RC3H2: variants seen among roughly 807,000 people sequenced by gnomAD.
RC3H2 encodes the protein ring finger and CCCH-type domains 2, also known as roquin-2.
RC3H2 carries 31 observed loss-of-function variants against 133.3 expected under a neutral mutation model. The ratio of observed to expected loss-of-function variants is 0.23; its 90% CI spans 0.17 to 0.31. RC3H2 has a LOEUF of 0.31. Among genes scored for constraint, RC3H2 ranks in the 10% least tolerant of loss-of-function variants. The pLI, the probability that RC3H2 is intolerant of heterozygous loss-of-function variation, is 1.00. For synonymous variants in RC3H2, 517 were observed against 502.2 expected (o/e 1.03, Z -0.40); for missense variants, 1,175 against 1,437.2 (o/e 0.82, Z 2.95).
At chr9:122,886,945 A>G (rs1334974868) in intron 4 of RC3H2, among the ~76,000 whole-genome samples, 1 of 152,240 alleles carries the variant, frequency 6.6e-6, no homozygotes, top group Non-Finnish European at 1.5e-5. Context: ...ACATCAGGAA[A>G]TATCTAAAGG....
intron 15 of RC3H2, 24 bp downstream of exon 15, chr9:122,855,160 C>G: frequency 6.9e-7 from 1 of 1,455,686 alleles, no homozygotes; most frequent in Non-Finnish European, 9.6e-7. Context: ...ACATATCAGG[C>G]TAGGTATTAT....
At chr9:122,881,232 A>C (rs1177418802) in intron 5 of RC3H2, among the ~76,000 whole-genome samples, 1 of 152,142 alleles carries the variant, frequency 6.6e-6, no homozygotes, top group Non-Finnish European at 1.5e-5. Context: ...CATGCCTGTA[A>C]TCCCAGCACT....
At position 122,855,251 on chromosome 9, in the gene RC3H2, G is replaced by A. The variant is rs762089426; in HGVS notation, c.2748C>T (p.Tyr916=). 1.2e-6 allele frequency: 2 copies of A among 1,614,168 alleles called. No homozygotes were observed. Among genetic ancestry groups the A allele is most frequent in the South Asian group, 1.1e-5 (1 of 91,086 alleles). The change falls in exon 15 of 21, where the codon TAC becomes TAT. Residue 916 remains tyrosine, a synonymous_variant. Transcript: ENST00000357244. ...TGGCCTGGACAGGATCTGTGGTATGGTAACCTGTACGGGAAGATCTGGAAA... is the reference window on the plus strand; with the variant it reads ...TGGCCTGGACAGGATCTGTGGTATGATAACCTGTACGGGAAGATCTGGAAA... ...GAISRSSRTG[Y]HTTDPVQATA... is the part of the protein sequence containing the mutation.
intron 1 of RC3H2, among the ~76,000 whole-genome samples, chr9:122,902,866 AG>A (rs1374043367): frequency 2.0e-5 from 3 of 150,664 alleles, no homozygotes; most frequent in African/African-American, 7.3e-5. Flanking sequence ...AAAAAAAAAA[AG>A]TTAAAATAGC....
intron 18 of RC3H2, among the ~76,000 whole-genome samples, chr9:122,852,404 G>C (rs1830072602): frequency 6.6e-6 from 1 of 150,552 alleles, no homozygotes. Flanking sequence ...CGGGAGGGAG[G>C]TGGGGGGGTC....
Position 122,860,088 on chromosome 9 carries a change from C to G in RC3H2, c.1678G>C (p.Ala560Pro), listed in dbSNP as rs1157193841. The change falls in exon 11 of 21, where the codon GCT becomes CCT. Residue 560 changes from alanine to proline, a missense_variant. This residue lies in a region of RC3H2 where 490 missense variants were observed against 492.8 expected (regional missense o/e 0.99). Coordinates refer to ENST00000357244, the MANE Select transcript of RC3H2 (RefSeq NM_001100588.3). ...PPKTPVSNVA[A>P]TSAGPSNVGT... ...ACATTAGAGGGCCCAGCTGAGGTAG[C>G]TGCTACATTACTTACAGGAGTCTTG... 1 of 1,614,066 alleles carries G rather than the reference C, an allele frequency of 6.2e-7. No homozygotes were observed. Among genetic ancestry groups the G allele is most frequent in the East Asian group, 2.2e-5 (1 of 44,868 alleles).
rs911364421 is a variant in RC3H2, at chr9:122,905,328, C to T, written c.-286G>A. ...TCCACCTCCGCCTCCTCCTCCTCCT[C>T]CTCCTCACCACGGAGGCGGACCTGG... is the stretch of plus-strand genomic sequence containing the variant. On this transcript the variant is annotated 5_prime_UTR_variant, in exon 1 of 21. Coordinates refer to ENST00000357244, the MANE Select transcript of RC3H2 (RefSeq NM_001100588.3). 11 of 980,534 alleles carry T rather than the reference C, an allele frequency of 1.1e-5. No homozygotes were observed. Among genetic ancestry groups the T allele is most frequent in the Admixed American group, 6.1e-5 (1 of 16,276 alleles). 60.7% of individuals were successfully genotyped at this position (980,534 alleles called of 1,614,324 possible). A position where few individuals can be genotyped will look rare whatever the true frequency, so the allele number is the denominator to read the frequency against.
In RC3H2 at chr9:122,890,355, T is replaced by C. The variant is rs780393048; in HGVS notation, c.540A>G (p.Leu180=). 27 of 1,613,994 alleles carry C rather than the reference T, an allele frequency of 1.7e-5. No individual in the cohort carries two copies. The highest frequency in any genetic ancestry group is 4.5e-5 in the East Asian group (2 of 44,884). Residue 180 remains leucine (L), a synonymous_variant, in exon 4 of 21, where the codon CTA becomes CTG. Transcript: ENST00000357244. ...HQNPQQLSAN[L]WAAVRARGCQ... ...ATCCTCGAGCCCTGACAGCGGCCCA[T>C]AGATTGGCAGACAACTGCTGAGGGT...
chr9:122,888,355 A>G (rs1405587711), intron 4 of RC3H2, among the ~76,000 whole-genome samples: 2 of 152,306 alleles, frequency 1.3e-5, no homozygotes, highest in East Asian at 3.9e-4. Context: ...AAATATTTAA[A>G]GTTGTTTTAT....
intron 1 of RC3H2, 77 bp from the exon 2 acceptor site, chr9:122,897,653 T>C: frequency 1.0e-6 from 1 of 1,003,652 alleles, no homozygotes; most frequent in Non-Finnish European, 1.4e-6. Context: ...AAGTCAACTA[T>C]TACAGCTTCA....
intron 3 of RC3H2, 87 bp from the exon 4 acceptor site, chr9:122,890,632 C>A: frequency 1.0e-6 from 1 of 965,986 alleles, no homozygotes. Context: ...AACGATTAAG[C>A]CACAATTCCT....
Position 122,855,761 on chromosome 9 carries a change from C to T in RC3H2, c.2572G>A (p.Val858Ile), listed in dbSNP as rs1426267558. 6.2e-7 allele frequency: 1 copy of T among 1,612,816 alleles called. No homozygotes were observed. The highest frequency in any genetic ancestry group is 1.3e-5 in the African/African-American group (1 of 74,864). ...AACACAGCATTTGAATTAGCAATGA[C>T]ATCTTTGGGCTCTGAATCAATGGCA... ...INAIDSEPKD[V>I]IANSNAVLMD... The change falls in exon 14 of 21, where the codon GTC becomes ATC. Residue 858 changes from valine to isoleucine, a missense_variant. Val to Ile is a conservative substitution (Grantham distance 29, BLOSUM62 3). Around this residue, in one of 8 missense-constraint regions of RC3H2, gnomAD observed 138 missense variants for 215.0 expected, o/e 0.64. Coordinates refer to ENST00000357244, the MANE Select transcript of RC3H2 (RefSeq NM_001100588.3).
At chr9:122,892,301 T>C (rs1189719291) in intron 3 of RC3H2, among the ~76,000 whole-genome samples, 1 of 152,098 alleles carries the variant, frequency 6.6e-6, no homozygotes, top group South Asian at 2.1e-4. Context: ...TTAGTAGAGA[T>C]GGGCTTTCGC....
chr9:122,899,647 G>A (rs1330374924), intron 1 of RC3H2, among the ~76,000 whole-genome samples: 6 of 152,166 alleles, frequency 3.9e-5, no homozygotes, highest in Non-Finnish European at 8.8e-5. Context: ...GATAAGCACT[G>A]AGCAGATGAA....
At chr9:122,868,754 A>C (rs1180248179) in intron 9 of RC3H2, among the ~76,000 whole-genome samples, 1 of 151,914 alleles carries the variant, frequency 6.6e-6, no homozygotes, top group African/African-American at 2.4e-5. Flanking sequence ...ATAAATAAAT[A>C]AATAAATAAA....
intron 10 of RC3H2, among the ~76,000 whole-genome samples, chr9:122,860,510 C>T (rs992341658): frequency 6.7e-6 from 1 of 148,718 alleles, no homozygotes; most frequent in Non-Finnish European, 1.5e-5. Context: ...ACCTCCTGGG[C>T]TTAAGCAATC....
intron 1 of RC3H2, among the ~76,000 whole-genome samples, chr9:122,898,345 G>A (rs963372126): frequency 6.6e-6 from 1 of 152,108 alleles, no homozygotes; most frequent in Non-Finnish European, 1.5e-5. Flanking sequence ...AAAGTCCAAT[G>A]AGGAAGACAC....
At chr9:122,878,488 T>C (rs1236893476) in intron 8 of RC3H2, among the ~76,000 whole-genome samples, 1 of 151,988 alleles carries the variant, frequency 6.6e-6, no homozygotes, top group Non-Finnish European at 1.5e-5. Context: ...GCCAGGATGG[T>C]CTCGATCTCC....
intron 10 of RC3H2, among the ~76,000 whole-genome samples, chr9:122,862,561 GAAC>G (rs1005030278): frequency 6.6e-6 from 1 of 150,594 alleles, no homozygotes; most frequent in Non-Finnish European, 1.5e-5. Context: ...ATAACAACTG[GAAC>G]AACTGTGTTC....
Sources: gnomAD v4.1 joint callset for allele counts (sites outside exome capture counted in the v4.1 genomes callset) on GRCh38, gnomAD v4.1.1 for gene constraint, gnomAD v4.1.1 regional missense constraint, MANE v1.5 for transcripts, NCBI Gene and HGNC (gene_info 2026-07-23, HGNC 2026-07-21) for gene names.